Variants in GCN1 observed in about 807,000 individuals in gnomAD.
GCN1 encodes the protein GCN1 activator of EIF2AK4.
GCN1 carries 90 observed loss-of-function variants against 288.4 expected under a neutral mutation model. The ratio of observed to expected loss-of-function variants is 0.31; its 90% CI spans 0.26 to 0.37. The LOEUF (loss-of-function observed/expected upper bound fraction) is 0.37. Among genes scored for constraint, GCN1 ranks in the 10% least tolerant of loss-of-function variants. The probability of loss-of-function intolerance (pLI) is 1.00; values close to 1 mark genes in which losing one functional copy is unlikely to be tolerated. For missense variants in GCN1, 2,586 were observed against 3,419.9 expected, an observed-to-expected ratio of 0.76 and a Z score of 6.08; for synonymous variants, 1,386 against 1,420.2, an observed-to-expected ratio of 0.98 and a Z score of 0.54.
chr12:120,167,397 G>A (rs913221043), intron 16 of GCN1, among the ~76,000 whole-genome samples: 1 of 149,594 alleles, frequency 6.7e-6, no homozygotes, highest in Non-Finnish European at 1.5e-5. Context: ...ATTATATACT[G>A]ATATGGACTC....
At position 120,155,665 on chromosome 12, in the gene GCN1, C is replaced by T. The variant is rs1175411623; in HGVS notation, c.3367G>A (p.Gly1123Ser). The part of the protein sequence containing the change: ...LPAPDTDEKN[G>S]LNLLRRLWVV... ...CAGAGTCTCCGCAGAAGGTTCAGGC[C>T]ATTCTTCTCATCAGTATCAGGTGCT... The change falls in exon 29 of 58, where the codon GGC becomes AGC. Residue 1123 changes from glycine (G) to serine (S), a missense_variant. This residue lies in a region of GCN1 where 332 missense variants were observed against 403.0 expected (regional missense o/e 0.82). Transcript: ENST00000300648. This position sits in a 1 kb window ranked among gnomAD's most constrained non-coding sequence, Gnocchi z 4.9. The T allele has an allele frequency of 6.2e-7, 1 of 1,614,000 alleles. No homozygotes were observed. The highest frequency in any genetic ancestry group is 1.6e-4 in the Middle Eastern group (1 of 6,062).
intron 56 of GCN1, among the ~76,000 whole-genome samples, chr12:120,130,394 T>C (rs1388680095): frequency 6.6e-6 from 1 of 152,198 alleles, no homozygotes; most frequent in Non-Finnish European, 1.5e-5. Flanking sequence ...ATGCCTAAAA[T>C]AGCGATTCCT....
At chr12:120,174,880 C>G (rs1369446696) in intron 12 of GCN1, among the ~76,000 whole-genome samples, 1 of 151,268 alleles carries the variant, frequency 6.6e-6, no homozygotes, top group Non-Finnish European at 1.5e-5. Context: ...AATCCCAGCA[C>G]TTTGGGAGGC....
chr12:120,160,071 G>C, intron 23 of GCN1, 48 bp from the exon 24 acceptor site: 3 of 1,582,770 alleles, frequency 1.9e-6, no homozygotes, highest in Non-Finnish European at 2.6e-6. Context: ...CCCTGCTTGT[G>C]ACAGCAAGCA....
rs1353900617 is a variant in GCN1, at chr12:120,183,687, A to G, written c.318-10T>C. 6.4e-7 allele frequency: 1 copy of G among 1,552,262 alleles called. No individual in the cohort carries two copies. The highest frequency in any genetic ancestry group is 1.7e-5 in the Admixed American group (1 of 59,952). ...AGAGCCACTGCTCTTACTGCAGAGC[A>G]GAGTTGGGGATGAGTTCAGAGCAGC... On this transcript the variant is annotated splice_polypyrimidine_tract_variant and intron_variant, in intron 4 of 57. Transcript: ENST00000300648.
rs997279319 is a variant in GCN1 at position 120,153,157 on chromosome 12, C to T, written c.4062+56G>A. The stretch of plus-strand genomic sequence containing the variant: ...CCCCTAGTATCCCACCGCCTAACCA[C>T]AGCCGGGTCCCAATTCTCTAACCGA... On this transcript the variant is annotated intron_variant, in intron 33 of 57. Coordinates refer to ENST00000300648, the MANE Select transcript of GCN1 (RefSeq NM_006836.2). This position sits in a 1 kb window ranked among gnomAD's most constrained non-coding sequence, Gnocchi z 4.4. 12 of 1,501,750 alleles carry T rather than the reference C, an allele frequency of 8.0e-6. No homozygotes were observed. Among genetic ancestry groups the T allele is most frequent in the Non-Finnish European group, 1.1e-5 (12 of 1,084,672 alleles). 93.0% of individuals were successfully genotyped at this position (1,501,750 alleles called of 1,614,324 possible).
chr12:120,136,055 A>G (rs960385067), intron 51 of GCN1, among the ~76,000 whole-genome samples: 4 of 152,118 alleles, frequency 2.6e-5, no homozygotes, highest in African/African-American at 9.7e-5. Context: ...AAAAAAAAAC[A>G]AAAACTGCAA....
At chr12:120,194,315 T>C (rs571728548) in intron 1 of GCN1, among the ~76,000 whole-genome samples, 59 of 152,348 alleles carry the variant, frequency 3.9e-4, no homozygotes, top group African/African-American at 1.3e-3. Flanking sequence ...ATTTGCTGAA[T>C]ACAAAGTTTA....
Position 120,155,117 on chromosome 12 carries a change from C to A in GCN1, c.3631-77G>T. ...GGCACCAGGATTGTGAGGCAGGAAA[C>A]TAGCCGCAGCTACCCTGAGCCACCG... On this transcript the variant is annotated intron_variant, in intron 30 of 57. Transcript: ENST00000300648. The surrounding 1 kb of genome is among the most constrained non-coding windows in gnomAD (Gnocchi z 4.9). 3.3e-6 allele frequency: 5 copies of A among 1,517,454 alleles called. No individual in the cohort carries two copies. The South Asian group carries it at 5.6e-5, about 17-fold the overall frequency. The allele number at this position is 1,517,454 out of a possible 1,614,324, so 94.0% of individuals were successfully genotyped here.
chr12:120,175,126 CAAA>C (rs58560211), intron 12 of GCN1, 33 bp downstream of exon 12: 55,524 of 1,018,562 alleles, frequency 0.055, 14 homozygotes, highest in East Asian at 0.13. Context: ...GACTTTCTCT[CAAA>C]AAAAAAAAAA....
chr12:120,158,631 G>C lies in GCN1; in HGVS notation c.2750-16C>G, dbSNP rs1200331919. On this transcript the variant is annotated splice_polypyrimidine_tract_variant and intron_variant, in intron 24 of 57. Transcript: ENST00000300648. The surrounding 1 kb of genome is among the most constrained non-coding windows in gnomAD (Gnocchi z 4.3). ...ACCAAAGTGCCTGTGTTGAAGAGGA[G>C]AGACCCAGCAGGAGATGACACACAG... 1.3e-6 allele frequency: 2 copies of C among 1,592,988 alleles called. No homozygotes were observed. Among genetic ancestry groups the C allele is most frequent in the Non-Finnish European group, 1.7e-6 (2 of 1,168,986 alleles).
rs773202140 is a variant in GCN1, at chr12:120,144,611, C to G, written c.5352+28G>C. 1 of 1,599,984 alleles carries G rather than the reference C, an allele frequency of 6.3e-7. No homozygotes were observed. The highest frequency in any genetic ancestry group is 1.1e-5 in the South Asian group (1 of 90,616). On this transcript the variant is annotated intron_variant, in intron 41 of 57. Transcript: ENST00000300648. The surrounding 1 kb of genome is among the most constrained non-coding windows in gnomAD (Gnocchi z 4.7). ...TTGCCTCCTGCCCTCCTCAAGGACT[C>G]TACCCTTGCCAAGGTCATGGTACCT...
In GCN1 at chr12:120,177,880, T is replaced by G. The variant is rs1221401536; in HGVS notation, c.661-128A>C. Reference sequence around the variant, plus strand: ...ATGCCCCAAATTTCAGTGTTAAGCATAGAGGTCCCACTGATCACGCAACCC... The same window carrying G: ...ATGCCCCAAATTTCAGTGTTAAGCAGAGAGGTCCCACTGATCACGCAACCC... On this transcript the variant is annotated intron_variant, in intron 7 of 57. Transcript: ENST00000300648. 20 of 746,458 alleles carry G rather than the reference T, an allele frequency of 2.7e-5. No individual in the cohort carries two copies. The South Asian group carries it at 2.8e-4, about 10-fold the overall frequency. The allele number at this position is 746,458 out of a possible 1,614,324, so 46.2% of individuals were successfully genotyped here.
At chr12:120,188,390 C>T (rs1225751242) in intron 2 of GCN1, among the ~76,000 whole-genome samples, 3 of 148,352 alleles carry the variant, frequency 2.0e-5, no homozygotes, top group South Asian at 2.2e-4. Flanking sequence ...GCAGAGGTCG[C>T]GCCACAGCAC....
rs570033183 is a variant in GCN1 at position 120,128,310 on chromosome 12, C to T, written c.7891-336G>A. The stretch of plus-strand genomic sequence containing the variant: ...TGGCCCCATCATGCTTTTCATGAGA[C>T]GAGGCAGTGGGAGTTGCAGCTTTTG... On this transcript the variant is annotated intron_variant, in intron 57 of 57. Transcript: ENST00000300648. Among the ~76,000 whole-genome samples, 167 of 150,958 alleles carry T rather than the reference C, an allele frequency of 1.1e-3. 1 individual carries two copies. The highest frequency in any genetic ancestry group is 1.3e-3 in the Non-Finnish European group (89 of 67,852).
At chr12:120,175,659 G>A in intron 11 of GCN1, 87 bp downstream of exon 11, 1 of 1,365,186 alleles carries the variant, frequency 7.3e-7, no homozygotes, top group South Asian at 1.3e-5. Context: ...GGCAGACTTG[G>A]AGCATCAAGT....
chr12:120,131,166 T>C lies in GCN1; in HGVS notation c.7563+19A>G. The C allele has an allele frequency of 2.5e-6, 4 of 1,611,230 alleles. No individual in the cohort carries two copies. The highest frequency in any genetic ancestry group is 3.4e-6 in the Non-Finnish European group (4 of 1,177,440). On this transcript the variant is annotated intron_variant, in intron 55 of 57. Transcript: ENST00000300648. ...TGGGATGTGGCCTATGCCTATGGGA[T>C]ATGGCCCGAATGCCTTACCCTGTCC...
chr12:120,152,385 ACG>A (rs575257614), intron 33 of GCN1, among the ~76,000 whole-genome samples: 2 of 121,246 alleles, frequency 1.6e-5, no homozygotes, highest in African/African-American at 6.9e-5. Flanking sequence ...CCACACACAC[ACG>A]CGCACACACA....
At chr12:120,172,412 T>G (rs1878340765) in intron 14 of GCN1, among the ~76,000 whole-genome samples, 1 of 152,194 alleles carries the variant, frequency 6.6e-6, no homozygotes, top group African/African-American at 2.4e-5. Context: ...CTTCTTCCCT[T>G]ATCATTAAAA....
Sources: allele counts gnomAD v4.1 joint callset (sites outside exome capture counted in the v4.1 genomes callset), GRCh38; gene constraint gnomAD v4.1.1; regional missense constraint gnomAD v4.1.1; non-coding constraint Gnocchi (gnomAD v3.1); transcripts MANE v1.5; gene names NCBI Gene and HGNC (gene_info 2026-07-23, HGNC 2026-07-21).